Variants in TNFRSF8 observed in about 807,000 individuals in gnomAD.
TNFRSF8 encodes TNF receptor superfamily member 8, also known as tumor necrosis factor receptor superfamily member 8.
Under a neutral mutation model 70.8 loss-of-function variants are expected in TNFRSF8, and 26 were observed. The ratio of observed to expected loss-of-function variants is 0.37; its 90% CI spans 0.27 to 0.51. The LOEUF is 0.51. TNFRSF8 is among the 20% of genes least tolerant of loss of function. The pLI is 0.94. For synonymous variants in TNFRSF8, 356 were observed against 339.2 expected, an observed-to-expected ratio of 1.05 and a Z score of -0.54; for missense variants, 720 against 807.9, an observed-to-expected ratio of 0.89 and a Z score of 1.32.
Position 12,111,962 on chromosome 1 carries a change from C to G in TNFRSF8, c.741C>G (p.Asp247Glu). The change falls in exon 7 of 15, where the codon GAC becomes GAG. Residue 247 changes from aspartate to glutamate, a missense_variant. Asp to Glu is a conservative substitution (Grantham distance 45). Transcript: ENST00000263932. ...SGDCRKQCEP[D>E]YYLDEAGRCT... ...ATTGCAGAAAGCAGTGTGAGCCCGA[C>G]TACTACCTGGACGAGGCCGGCCGCT... The G allele has an allele frequency of 6.2e-7, 1 of 1,614,238 alleles. No individual in the cohort carries two copies. Among genetic ancestry groups the G allele is most frequent in the Non-Finnish European group, 8.5e-7 (1 of 1,180,034 alleles).
intron 12 of TNFRSF8, among the ~76,000 whole-genome samples, chr1:12,130,109 T>C (rs1164780587): frequency 6.6e-6 from 1 of 152,214 alleles, no homozygotes; most frequent in African/African-American, 2.4e-5. Context: ...AGTTTCACCA[T>C]GTTGGCCAGG....
At chr1:12,140,359 G>A (rs1391413144) in intron 14 of TNFRSF8, among the ~76,000 whole-genome samples, 1 of 152,174 alleles carries the variant, frequency 6.6e-6, no homozygotes, top group Non-Finnish European at 1.5e-5. Flanking sequence ...TTCCCAAGAG[G>A]GGTCACACTG....
chr1:12,072,824 A>G (rs556279753), intron 1 of TNFRSF8, among the ~76,000 whole-genome samples: 236 of 152,178 alleles, frequency 1.6e-3, no homozygotes, highest in Admixed American at 3.8e-3. Context: ...AAACTCCTAA[A>G]CCCCACCTTC....
At position 12,119,043 on chromosome 1, in the gene TNFRSF8, T is replaced by G. The variant is rs1459520089; in HGVS notation, c.946+3314T>G. Among the ~76,000 whole-genome samples the G allele has an allele frequency of 6.6e-6, 1 of 152,156 alleles. No homozygotes were observed. Among genetic ancestry groups the G allele is most frequent in the Non-Finnish European group, 1.5e-5 (1 of 68,012 alleles). ...CCACGCCTGGCTAATTTTTGTATTT[T>G]TAGTAGAGACAGGGTTTCACCATGA... On this transcript the variant is annotated intron_variant, in intron 8 of 14. Coordinates refer to ENST00000263932, the MANE Select transcript of TNFRSF8 (RefSeq NM_001243.5). This position sits in a 1 kb window ranked among gnomAD's most constrained non-coding sequence, Gnocchi z 4.4.
At chr1:12,072,144 C>G (rs908856684) in intron 1 of TNFRSF8, among the ~76,000 whole-genome samples, 4 of 152,166 alleles carry the variant, frequency 2.6e-5, no homozygotes, top group African/African-American at 9.7e-5. Context: ...ATAACAGTAG[C>G]TACCTTGTAT....
intron 1 of TNFRSF8, among the ~76,000 whole-genome samples, chr1:12,083,266 A>G (rs1304103596): frequency 1.3e-5 from 2 of 152,236 alleles, no homozygotes; most frequent in Non-Finnish European, 2.9e-5. Flanking sequence ...TCAGAACTGA[A>G]CATGCCTTAT....
intron 13 of TNFRSF8, among the ~76,000 whole-genome samples, chr1:12,137,297 A>G (rs1642163639): frequency 6.9e-6 from 1 of 144,420 alleles, no homozygotes; most frequent in Admixed American, 7.5e-5. Flanking sequence ...ATAAAATAAA[A>G]CCATTTAAAA....
chr1:12,075,137 G>A (rs892836718), intron 1 of TNFRSF8, among the ~76,000 whole-genome samples: 12 of 151,980 alleles, frequency 7.9e-5, no homozygotes, highest in African/African-American at 1.9e-4. Flanking sequence ...CCAGCTACTC[G>A]GGAGGCTGAG....
At chr1:12,092,111 C>T (rs1641257204) in intron 2 of TNFRSF8, among the ~76,000 whole-genome samples, 1 of 152,180 alleles carries the variant, frequency 6.6e-6, no homozygotes, top group Non-Finnish European at 1.5e-5. Flanking sequence ...ACATGGCATT[C>T]TCCCTGTGTG....
At position 12,088,145 on chromosome 1, in the gene TNFRSF8, C is replaced by T. The variant is rs534813766; in HGVS notation, c.151+3594C>T. ...TGAGATTGAAAAATGTAGATGTCAT[C>T]GAATCCCTCCTTGCACCCAGGCCTG... On this transcript the variant is annotated intron_variant, in intron 2 of 14. Transcript: ENST00000263932. The surrounding 1 kb of genome is among the most constrained non-coding windows in gnomAD (Gnocchi z 4.0). 6.6e-5 allele frequency among the ~76,000 whole-genome samples: 10 copies of T among 152,186 alleles called. No individual in the cohort carries two copies. The highest frequency in any genetic ancestry group is 9.6e-5 in the African/African-American group (4 of 41,526).
At chr1:12,124,401 G>T (rs1468591702) in intron 10 of TNFRSF8, among the ~76,000 whole-genome samples, 1 of 152,198 alleles carries the variant, frequency 6.6e-6, no homozygotes, top group Non-Finnish European at 1.5e-5. Context: ...ATAGGTCTTT[G>T]TTGATTGATT....
intron 4 of TNFRSF8, among the ~76,000 whole-genome samples, chr1:12,107,179 G>A (rs60847429): frequency 0.033 from 5,021 of 152,272 alleles, 316 homozygotes; most frequent in African/African-American, 0.11. Context: ...CGGATCACTT[G>A]AAGTCAGGAG....
At chr1:12,084,855 C>T (rs186407466) in intron 2 of TNFRSF8, among the ~76,000 whole-genome samples, 8 of 152,290 alleles carry the variant, frequency 5.3e-5, no homozygotes, top group Non-Finnish European at 1.2e-4. Context: ...TTTATATGCA[C>T]GGCATCATCT....
chr1:12,142,511 A>G lies in TNFRSF8; in HGVS notation c.1768A>G (p.Thr590Ala), dbSNP rs1557610727. The change falls in exon 15 of 15, where the codon ACA (threonine) becomes GCA (alanine). Residue 590 changes from threonine (T) to alanine (A), a missense_variant. By Grantham distance (58) the Thr-to-Ala change is moderately conservative (BLOSUM62 0). Transcript: ENST00000263932. The surrounding 1 kb of genome is among the most constrained non-coding windows in gnomAD (Gnocchi z 5.0). ...GGAAGGGAAAGAAGACCCCTTGCCC[A>G]CAGCTGCCTCTGGAAAGTGAGGCCT... ...EEEGKEDPLP[T>A]AASGK The G allele has an allele frequency of 6.4e-7, 1 of 1,574,734 alleles. No individual in the cohort carries two copies.
chr1:12,086,147 G>A (rs894083320), intron 2 of TNFRSF8, among the ~76,000 whole-genome samples: 21 of 152,150 alleles, frequency 1.4e-4, no homozygotes, highest in African/African-American at 2.9e-4. Context: ...CTGGAGCTGC[G>A]CGGGAACCCA....
chr1:12,073,688 G>T (rs1640888628), intron 1 of TNFRSF8, among the ~76,000 whole-genome samples: 1 of 151,000 alleles, frequency 6.6e-6, no homozygotes. Context: ...CTGCCTCCCG[G>T]GTTCAAACGA....
At position 12,108,327 on chromosome 1, in the gene TNFRSF8, C is replaced by T. The variant is rs1187954431; in HGVS notation, c.422-1239C>T. ...ACTCCTGACCTCATGATCCGCCCAC[C>T]TCGGCCTCCCAAAGTGTTGGGATTA... is the stretch of plus-strand genomic sequence containing the variant. On this transcript the variant is annotated intron_variant, in intron 4 of 14. Coordinates refer to ENST00000263932, the MANE Select transcript of TNFRSF8 (RefSeq NM_001243.5). The surrounding 1 kb of genome is among the most constrained non-coding windows in gnomAD (Gnocchi z 4.0). Among the ~76,000 whole-genome samples, 1 of 151,874 alleles carries T rather than the reference C, an allele frequency of 6.6e-6. No individual in the cohort carries two copies. The highest frequency in any genetic ancestry group is 2.4e-5 in the African/African-American group (1 of 41,370).
intron 1 of TNFRSF8, among the ~76,000 whole-genome samples, chr1:12,073,738 C>T (rs1032777428): frequency 3.3e-5 from 5 of 151,594 alleles, no homozygotes; most frequent in Non-Finnish European, 7.4e-5. Flanking sequence ...GGATTACAGG[C>T]GCCCACCACC....
rs946404277 is a variant in TNFRSF8, at chr1:12,141,780, T to G, written c.1544-507T>G. Among the ~76,000 whole-genome samples the G allele has an allele frequency of 1.2e-4, 18 of 151,760 alleles. No homozygotes were observed. Among genetic ancestry groups the G allele is most frequent in the Middle Eastern group, 3.4e-3 (1 of 292 alleles). On this transcript the variant is annotated intron_variant, in intron 14 of 14. Coordinates refer to ENST00000263932, the MANE Select transcript of TNFRSF8 (RefSeq NM_001243.5). The surrounding 1 kb of genome is among the most constrained non-coding windows in gnomAD (Gnocchi z 5.4). ...AAGGGCCACCAGGCGGAGTGGGTGG[T>G]TTTTTTTTGGGGGATTTCTCCTAAC...
Sources: allele counts gnomAD v4.1 joint callset (sites outside exome capture counted in the v4.1 genomes callset), GRCh38; gene constraint gnomAD v4.1.1; non-coding constraint Gnocchi (gnomAD v3.1); transcripts MANE v1.5; gene names NCBI Gene and HGNC (gene_info 2026-07-23, HGNC 2026-07-21).